Variants in SLC41A2 observed in about 807,000 individuals in gnomAD.
SLC41A2 encodes the protein solute carrier family 41 member 2.
In SLC41A2, 32 loss-of-function variants were observed where a neutral mutation model predicts 58.3. The ratio of observed to expected loss-of-function variants is 0.55; its 90% CI spans 0.41 to 0.74. The LOEUF is 0.74. Ranked by LOEUF, SLC41A2 falls within the 30% of genes least tolerant of loss-of-function variation. The pLI is 0.00. For missense variants in SLC41A2, 514 were observed against 680.6 expected (o/e 0.76, Z 2.72); for synonymous variants, 190 against 235.0 (o/e 0.81, Z 1.75).
intron 10 of SLC41A2, among the ~76,000 whole-genome samples, chr12:104,806,562 T>A (rs2040911921): frequency 6.6e-6 from 1 of 152,168 alleles, no homozygotes; most frequent in Non-Finnish European, 1.5e-5. Flanking sequence ...TGATTTATAA[T>A]CCTTTGGGTA....
At chr12:104,924,298 T>A (rs1045198167) in intron 2 of SLC41A2, among the ~76,000 whole-genome samples, 1 of 152,152 alleles carries the variant, frequency 6.6e-6, no homozygotes, top group Non-Finnish European at 1.5e-5. Flanking sequence ...AGTATTGAGA[T>A]CTCTTGTACT....
At chr12:104,847,534 G>A (rs1460773097) in intron 8 of SLC41A2, among the ~76,000 whole-genome samples, 2 of 146,326 alleles carry the variant, frequency 1.4e-5, no homozygotes, top group African/African-American at 5.0e-5. Context: ...GAACCCTGGA[G>A]TTGGAGGTTG....
At chr12:104,846,982 G>T (rs2042619683) in intron 8 of SLC41A2, among the ~76,000 whole-genome samples, 1 of 151,974 alleles carries the variant, frequency 6.6e-6, no homozygotes, top group South Asian at 2.1e-4. Flanking sequence ...AAAATTAAAA[G>T]ACAGGAAAAA....
At chr12:104,934,494 G>T (rs1353932996) in intron 1 of SLC41A2, among the ~76,000 whole-genome samples, 1 of 142,320 alleles carries the variant, frequency 7.0e-6, no homozygotes, top group Non-Finnish European at 1.5e-5. Context: ...GTACAAGACA[G>T]ACGTTTAGAG....
intron 1 of SLC41A2, among the ~76,000 whole-genome samples, chr12:104,942,307 C>T (rs956731122): frequency 3.3e-5 from 5 of 151,798 alleles, no homozygotes; most frequent in African/African-American, 1.2e-4. Flanking sequence ...GGCAGAAACC[C>T]GACTCTACAA....
chr12:104,862,141 A>G (rs1237336348), intron 7 of SLC41A2, among the ~76,000 whole-genome samples: 1 of 152,236 alleles, frequency 6.6e-6, no homozygotes, highest in African/African-American at 2.4e-5. Flanking sequence ...AATGCCATCC[A>G]CATTACAACA....
intron 1 of SLC41A2, among the ~76,000 whole-genome samples, chr12:104,944,938 A>G (rs1465228181): frequency 6.6e-6 from 1 of 151,974 alleles, no homozygotes; most frequent in Non-Finnish European, 1.5e-5. Context: ...TGGGAGGCCA[A>G]AGTGGGCATA....
At position 104,803,930 on chromosome 12, in the gene SLC41A2, A is replaced by G. The variant is rs1455237011; in HGVS notation, c.*1222T>C. On this transcript the variant is annotated 3_prime_UTR_variant, in exon 11 of 11. Coordinates refer to ENST00000258538, the MANE Select transcript of SLC41A2 (RefSeq NM_001352171.3). ...ATTTTAAATCTCCTATCTTGATTAT[A>G]TTAAATAGTACTACTTTTTAAAATA... The G allele has an allele frequency of 6.6e-6, 1 of 151,978 alleles. No homozygotes were observed. Among genetic ancestry groups the G allele is most frequent in the Non-Finnish European group, 1.5e-5 (1 of 67,992 alleles). 9.4% of individuals were successfully genotyped at this position (151,978 alleles called of 1,614,324 possible).
chr12:104,940,546 G>A (rs1025109449), intron 1 of SLC41A2, among the ~76,000 whole-genome samples: 6 of 145,342 alleles, frequency 4.1e-5, no homozygotes, highest in African/African-American at 1.5e-4. Context: ...AAAAAAAAAG[G>A]CTCACCTCTA....
At chr12:104,952,933 A>C (rs2048010220) in intron 1 of SLC41A2, among the ~76,000 whole-genome samples, 1 of 152,188 alleles carries the variant, frequency 6.6e-6, no homozygotes, top group Admixed American at 6.5e-5. Context: ...CCTGGCCCTC[A>C]TAGATAAGTT....
chr12:104,889,444 A>G (rs1022806354), intron 4 of SLC41A2, among the ~76,000 whole-genome samples: 1 of 152,182 alleles, frequency 6.6e-6, no homozygotes, highest in African/African-American at 2.4e-5. Context: ...TGCTGATGGT[A>G]TAACTAATAG....
chr12:104,897,224 C>A (rs967512123), intron 3 of SLC41A2, among the ~76,000 whole-genome samples: 1 of 147,958 alleles, frequency 6.8e-6, no homozygotes, highest in African/African-American at 2.5e-5. Flanking sequence ...TGGCTCACTG[C>A]AACCTCCACC....
intron 10 of SLC41A2, among the ~76,000 whole-genome samples, chr12:104,842,443 A>G (rs1487744086): frequency 6.6e-6 from 1 of 152,142 alleles, no homozygotes; most frequent in Non-Finnish European, 1.5e-5. Flanking sequence ...AATTCAATCA[A>G]CAGTATAGTT....
intron 10 of SLC41A2, among the ~76,000 whole-genome samples, chr12:104,822,871 C>T (rs1032232761): frequency 1.3e-5 from 2 of 151,624 alleles, no homozygotes; most frequent in African/African-American, 4.8e-5. Flanking sequence ...GAAAACAAAA[C>T]AAAAACTGTG....
intron 8 of SLC41A2, among the ~76,000 whole-genome samples, chr12:104,850,828 C>T (rs2042770967): frequency 6.6e-6 from 1 of 152,008 alleles, no homozygotes; most frequent in Non-Finnish European, 1.5e-5. Flanking sequence ...AAATATGTAT[C>T]CCAGGGAGTT....
intron 4 of SLC41A2, 122 bp from the exon 5 acceptor site, chr12:104,889,299 A>G (rs1593079138): frequency 3.0e-6 from 3 of 1,011,926 alleles, no homozygotes; most frequent in East Asian, 5.5e-5. Flanking sequence ...ATTGAGCTAC[A>G]TTACCTTTTA....
chr12:104,866,280 T>G (rs1400675667), intron 7 of SLC41A2, 152 bp downstream of exon 7: 1 of 1,159,612 alleles, frequency 8.6e-7, no homozygotes, highest in Non-Finnish European at 1.1e-6. Context: ...ATGAATTGGC[T>G]ATATAAAATA....
intron 2 of SLC41A2, among the ~76,000 whole-genome samples, chr12:104,913,375 A>G (rs571104110): frequency 7.9e-5 from 12 of 152,034 alleles, no homozygotes; most frequent in African/African-American, 2.9e-4. Flanking sequence ...ACAGAAATCA[A>G]CCTTTTCAAA....
In SLC41A2 at chr12:104,940,406, G is replaced by C. The variant is rs989238145; in HGVS notation, c.-167-11712C>G. Among the ~76,000 whole-genome samples the C allele has an allele frequency of 2.1e-4, 32 of 151,546 alleles. 1 individual carries two copies. The highest frequency in any genetic ancestry group is 6.8e-3 in the Middle Eastern group (2 of 294). ...AGATATACCTACTGTTAAATGACGA[G>C]TTAATGGGTGCAGCACACCAACATG... is the stretch of plus-strand genomic sequence containing the variant. On this transcript the variant is annotated intron_variant, in intron 1 of 10. Coordinates refer to ENST00000258538, the MANE Select transcript of SLC41A2 (RefSeq NM_001352171.3).
Sources: gnomAD v4.1 joint callset for allele counts (sites outside exome capture counted in the v4.1 genomes callset) on GRCh38, gnomAD v4.1.1 for gene constraint, MANE v1.5 for transcripts, NCBI Gene and HGNC (gene_info 2026-07-23, HGNC 2026-07-21) for gene names.